The following FAT2 variants were observed in gnomAD, a reference collection of about 807,000 sequenced individuals.
FAT2 encodes the protein FAT atypical cadherin 2.
A neutral mutation model predicts 295.3 loss-of-function variants in FAT2; 150 were observed. The ratio of observed to expected loss-of-function variants is 0.51; its 90% CI spans 0.44 to 0.58. The LOEUF is 0.58. Among genes scored for constraint, FAT2 ranks in the 20% least tolerant of loss-of-function variants. FAT2 has a pLI of 0.00. For synonymous variants in FAT2, 2,026 were observed against 2,150.3 expected, an observed-to-expected ratio of 0.94 and a Z score of 1.60; for missense variants, 4,868 against 5,442.7, an observed-to-expected ratio of 0.89 and a Z score of 3.32.
upstream of FAT2, among the ~76,000 whole-genome samples, chr5:151,593,081 C>T (rs928479064): frequency 2.6e-5 from 4 of 152,186 alleles, no homozygotes; most frequent in East Asian, 1.9e-4. Flanking sequence ...AAGCTGCCTC[C>T]GCCCCGGATG....
rs770952159 is a variant in FAT2, at chr5:151,542,476, A to G, written c.8651T>C (p.Ile2884Thr). The G allele has an allele frequency of 6.2e-7, 1 of 1,614,046 alleles. No homozygotes were observed. Among genetic ancestry groups the G allele is most frequent in the East Asian group, 2.2e-5 (1 of 44,900 alleles). The change falls in exon 10 of 24, where the codon ATC becomes ACC. Residue 2884 changes from isoleucine (I) to threonine (T), a missense_variant. Physicochemically the swap from Ile to Thr is moderately conservative, Grantham distance 89. Coordinates refer to ENST00000261800, the MANE Select transcript of FAT2 (RefSeq NM_001447.3). ...AACCAGGGCCTGAGAGGATAGCTGG[A>G]TGGTCTGTCCGTGGTCATAGGCCAC... ...HVVAYDHGQT[I>T]QLSSQALVQV...
intron 9 of FAT2, 52 bp from the exon 10 acceptor site, chr5:151,546,389 G>C: frequency 7.1e-7 from 1 of 1,409,794 alleles, no homozygotes; most frequent in Non-Finnish European, 9.8e-7. Context: ...ACAGGTATCA[G>C]CTAGGCTTTC....
At chr5:151,520,552 A>G (rs1303541441) in intron 19 of FAT2, among the ~76,000 whole-genome samples, 1 of 152,208 alleles carries the variant, frequency 6.6e-6, no homozygotes, top group Non-Finnish European at 1.5e-5. Context: ...CGGGAATGAC[A>G]GTCACCGTTG....
In FAT2 at chr5:151,528,259, G is replaced by A. The variant is rs540081055; in HGVS notation, c.10027-126C>T. The A allele has an allele frequency of 1.2e-4, 126 of 1,046,952 alleles. 1 individual carries two copies. Among genetic ancestry groups the A allele is most frequent in the Middle Eastern group, 2.9e-4 (1 of 3,404 alleles). 64.9% of individuals were successfully genotyped at this position (1,046,952 alleles called of 1,614,324 possible). ...GGCTAGCAGTGCCTGGATCACAGTTGTCCCTGCCAAAGTAATCTCTTCACT... is the reference window on the plus strand; with the variant it reads ...GGCTAGCAGTGCCTGGATCACAGTTATCCCTGCCAAAGTAATCTCTTCACT... On this transcript the variant is annotated intron_variant, in intron 15 of 23. Coordinates refer to ENST00000261800, the MANE Select transcript of FAT2 (RefSeq NM_001447.3).
Position 151,553,370 on chromosome 5 carries a change from A to C in FAT2, c.3963T>G (p.Ser1321Arg), listed in dbSNP as rs938582119. Residue 1321 changes from serine (S) to arginine (R), a missense_variant, in exon 6 of 24, where the codon AGT becomes AGG. Physicochemically the swap from Ser to Arg is moderately radical, Grantham distance 110. Transcript: ENST00000261800. Reference protein sequence around the residue: ...YNILTIKATDSGQPPLSASVR... With the variant: ...YNILTIKATDRGQPPLSASVR... ...CACTGGCTGAGAGTGGTGGCTGCCC[A>C]CTGTCTGTTGCCTTGATCTGAAAGG... 18 of 1,614,068 alleles carry C rather than the reference A, an allele frequency of 1.1e-5. No individual in the cohort carries two copies. Among genetic ancestry groups the C allele is most frequent in the Non-Finnish European group, 1.5e-5 (18 of 1,180,038 alleles).
chr5:151,507,552 T>G lies in FAT2; in HGVS notation c.12119A>C (p.Gln4040Pro). 3 of 1,614,044 alleles carry G rather than the reference T, an allele frequency of 1.9e-6. No individual in the cohort carries two copies. The highest frequency in any genetic ancestry group is 2.5e-6 in the Non-Finnish European group (3 of 1,179,994). The change falls in exon 23 of 24, where the codon CAA (glutamine) becomes CCA (proline). Residue 4040 changes from glutamine to proline, a missense_variant. Gln to Pro is a moderately conservative substitution (Grantham distance 76). Transcript: ENST00000261800. ...EGHCLVTPEI[Q>P]RGDWGQQELL... ...CTCCTGCTGCCCCCAGTCCCCCCTT[T>G]GGATCTCGGGAGTGACTAGGCAGTG...
rs574545959 is a variant in FAT2 at position 151,531,261 on chromosome 5, G to A, written c.9811+326C>T. On this transcript the variant is annotated intron_variant, in intron 14 of 23. Coordinates refer to ENST00000261800, the MANE Select transcript of FAT2 (RefSeq NM_001447.3). The surrounding 1 kb of genome is among the most constrained non-coding windows in gnomAD (Gnocchi z 5.7). ...GGCTCCCTGCCTCTGCAGCCAAGCC[G>A]TTTCTGCCTCCTGCGCTGGGCCTGA... Among the ~76,000 whole-genome samples, 21 of 152,320 alleles carry A rather than the reference G, an allele frequency of 1.4e-4. No individual in the cohort carries two copies. The highest frequency in any genetic ancestry group is 1.4e-3 in the Admixed American group (21 of 15,308).
chr5:151,592,264 G>T (rs2127667953), upstream of FAT2, among the ~76,000 whole-genome samples: 1 of 152,312 alleles, frequency 6.6e-6, no homozygotes, highest in East Asian at 1.9e-4. Context: ...CACGTTTTTA[G>T]TTATAGAACA....
intron 11 of FAT2, among the ~76,000 whole-genome samples, chr5:151,539,104 G>A (rs1338038036): frequency 6.6e-6 from 1 of 152,124 alleles, no homozygotes; most frequent in East Asian, 1.9e-4. Context: ...GAAGTTGGTT[G>A]TAATGATGGC....
intron 1 of FAT2, among the ~76,000 whole-genome samples, chr5:151,578,020 CAA>C (rs546727587): frequency 9.5e-4 from 93 of 97,646 alleles, no homozygotes; most frequent in Non-Finnish European, 6.9e-4. Context: ...AAGGGAAAGG[CAA>C]AAAAAAAAAA....
intron 11 of FAT2, among the ~76,000 whole-genome samples, chr5:151,539,043 G>A (rs141188114): frequency 1.6e-4 from 24 of 152,094 alleles, no homozygotes; most frequent in South Asian, 4.2e-4. Context: ...AACCATCTCC[G>A]GGAGGGCCAG....
chr5:151,552,844 T>C (rs1243401274), intron 6 of FAT2, among the ~76,000 whole-genome samples: 1 of 152,140 alleles, frequency 6.6e-6, no homozygotes, highest in Non-Finnish European at 1.5e-5. Flanking sequence ...GATTTTCACA[T>C]TGAGGTAGGA....
chr5:151,585,643 CTTACAAT>C (rs1164706018), intron 1 of FAT2, among the ~76,000 whole-genome samples: 1 of 152,174 alleles, frequency 6.6e-6, no homozygotes, highest in Non-Finnish European at 1.5e-5. Context: ...TCAGCTGTAA[CTTACAAT>C]TTATGCACTC....
In FAT2 at chr5:151,543,138, G is replaced by T. The variant is rs985534868; in HGVS notation, c.7989C>A (p.Ala2663=). The T allele has an allele frequency of 6.2e-7, 1 of 1,613,956 alleles. No homozygotes were observed. Among genetic ancestry groups the T allele is most frequent in the African/African-American group, 1.3e-5 (1 of 74,868 alleles). ...TCCAGTGAGGAGGGCCTCCATCTTG[G>T]GCTTTGATGAAGAAGTCAAGGGTCT... is the stretch of plus-strand genomic sequence containing the variant. ...ENQTLDFFIK[A]QDGGPPHWNS... Residue 2663 remains alanine, a synonymous_variant, in exon 10 of 24, where the codon GCC becomes GCA. Coordinates refer to ENST00000261800, the MANE Select transcript of FAT2 (RefSeq NM_001447.3).
chr5:151,540,857 A>T (rs1012798980), intron 10 of FAT2, 94 bp from the exon 11 acceptor site: 2 of 1,146,572 alleles, frequency 1.7e-6, no homozygotes, highest in African/African-American at 1.6e-5. Context: ...CATTTTTTAG[A>T]ATTGTTGGGA....
At chr5:151,593,369 G>A (rs1759488301), upstream of FAT2, among the ~76,000 whole-genome samples, 1 of 152,172 alleles carries the variant, frequency 6.6e-6, no homozygotes, top group Admixed American at 6.5e-5. Flanking sequence ...TATTGCAGGA[G>A]GGGGAGATGG....
In FAT2 at chr5:151,512,690, G is replaced by C. The variant is rs1467459838; in HGVS notation, c.11464-84C>G. 2 of 1,301,746 alleles carry C rather than the reference G, an allele frequency of 1.5e-6. No homozygotes were observed. Among genetic ancestry groups the C allele is most frequent in the Non-Finnish European group, 2.1e-6 (2 of 951,256 alleles). 80.6% of individuals were successfully genotyped at this position (1,301,746 alleles called of 1,614,324 possible). ...AGAGGCTGCCAGTTCAAAGAATGTTGTTTGTATTTTTATGGGTAGGAGGGG... is the reference window on the plus strand; with the variant it reads ...AGAGGCTGCCAGTTCAAAGAATGTTCTTTGTATTTTTATGGGTAGGAGGGG... On this transcript the variant is annotated intron_variant, in intron 20 of 23. Coordinates refer to ENST00000261800, the MANE Select transcript of FAT2 (RefSeq NM_001447.3). This position sits in a 1 kb window ranked among gnomAD's most constrained non-coding sequence, Gnocchi z 4.1.
At chr5:151,578,141 A>G (rs1758815370) in intron 1 of FAT2, among the ~76,000 whole-genome samples, 1 of 152,150 alleles carries the variant, frequency 6.6e-6, no homozygotes, top group African/African-American at 2.4e-5. Context: ...GTTCTAGGTG[A>G]GGAAGGTTGT....
At chr5:151,507,069 T>C in intron 23 of FAT2, 85 bp downstream of exon 23, 1 of 1,237,664 alleles carries the variant, frequency 8.1e-7, no homozygotes, top group East Asian at 2.3e-5. Flanking sequence ...TAGCTAAAAA[T>C]GCCTGTGCCT....
Sources: allele counts gnomAD v4.1 joint callset (sites outside exome capture counted in the v4.1 genomes callset), GRCh38; gene constraint gnomAD v4.1.1; non-coding constraint Gnocchi (gnomAD v3.1); transcripts MANE v1.5; gene names NCBI Gene and HGNC (gene_info 2026-07-23, HGNC 2026-07-21).